The following KCNN2 variants were observed in gnomAD, a reference collection of about 807,000 sequenced individuals.
KCNN2 encodes small conductance calcium-activated potassium channel protein 2.
In KCNN2, 24 loss-of-function variants were observed where a neutral mutation model predicts 55.5. The ratio of observed to expected loss-of-function variants is 0.43; its 90% confidence interval spans 0.31 to 0.61. KCNN2 has a LOEUF of 0.61. KCNN2 is among the 20% of genes least tolerant of loss of function. The pLI is 0.08. For synonymous variants in KCNN2, 431 were observed against 336.1 expected (o/e 1.28, Z -3.09); for missense variants, 754 against 853.6 (o/e 0.88, Z 1.45).
intron 1 of KCNN2, among the ~76,000 whole-genome samples, chr5:114,212,749 A>G (rs77070760): frequency 6.6e-6 from 1 of 152,058 alleles, no homozygotes; most frequent in African/African-American, 2.4e-5. Flanking sequence ...TACCTTTAGT[A>G]GTAAGACTGA....
chr5:114,471,547 T>G (rs879469302), intron 4 of KCNN2, among the ~76,000 whole-genome samples: 1 of 152,188 alleles, frequency 6.6e-6, no homozygotes, highest in Non-Finnish European at 1.5e-5. Context: ...ATAGATATTA[T>G]GAGATGAAGT....
intron 5 of KCNN2, among the ~76,000 whole-genome samples, chr5:114,481,791 T>G (rs1762240906): frequency 6.6e-6 from 1 of 151,586 alleles, no homozygotes; most frequent in Non-Finnish European, 1.5e-5. Flanking sequence ...CAGAAAGGAG[T>G]CCCTATTTAA....
intron 2 of KCNN2, among the ~76,000 whole-genome samples, chr5:114,250,869 C>A (rs982638017): frequency 6.6e-6 from 1 of 152,118 alleles, no homozygotes; most frequent in Non-Finnish European, 1.5e-5. Context: ...CATTGCCCAC[C>A]CATAGTGATG....
chr5:114,185,222 G>A (rs140072374), intron 1 of KCNN2, among the ~76,000 whole-genome samples: 32 of 152,308 alleles, frequency 2.1e-4, no homozygotes, highest in African/African-American at 7.2e-4. Flanking sequence ...CCATTATCTA[G>A]ATGTATATGT....
At chr5:114,127,828 C>A (rs1284911307) in intron 1 of KCNN2, among the ~76,000 whole-genome samples, 1 of 152,174 alleles carries the variant, frequency 6.6e-6, no homozygotes, top group Non-Finnish European at 1.5e-5. Context: ...TAAATCATCT[C>A]TCTCAAATTC....
intron 2 of KCNN2, among the ~76,000 whole-genome samples, chr5:114,248,569 T>C (rs1264032137): frequency 6.6e-6 from 1 of 152,212 alleles, no homozygotes; most frequent in Non-Finnish European, 1.5e-5. Context: ...TTAGGCTTTA[T>C]TTCCTGGCAG....
At chr5:114,389,444 C>G (rs1758395065) in intron 2 of KCNN2, among the ~76,000 whole-genome samples, 1 of 152,060 alleles carries the variant, frequency 6.6e-6, no homozygotes, top group Non-Finnish European at 1.5e-5. Context: ...CTGGCAAGTT[C>G]CTTAACCTCT....
At chr5:114,208,164 A>C (rs752620753) in intron 1 of KCNN2, among the ~76,000 whole-genome samples, 6 of 152,208 alleles carry the variant, frequency 3.9e-5, no homozygotes, top group African/African-American at 1.4e-4. Flanking sequence ...TACATGACAG[A>C]AAGTCAAGCA....
chr5:114,347,032 T>G (rs181948), intron 2 of KCNN2, among the ~76,000 whole-genome samples: 2 of 152,064 alleles, frequency 1.3e-5, no homozygotes, highest in Non-Finnish European at 2.9e-5. Context: ...TACCTTTATA[T>G]GGTTACAATA....
intron 2 of KCNN2, among the ~76,000 whole-genome samples, chr5:114,263,720 G>A (rs541969834): frequency 6.6e-6 from 1 of 152,260 alleles, no homozygotes; most frequent in Admixed American, 6.5e-5. Context: ...TCCCTTTTCT[G>A]AAGAGTGATT....
At position 114,363,156 on chromosome 5, in the gene KCNN2, G is replaced by C. The variant is rs1218160989; in HGVS notation, c.1017G>C (p.Leu339=). Residue 339 remains leucine (L), a synonymous_variant, in exon 1 of 8, where the codon CTG becomes CTC. Coordinates refer to ENST00000673685, the MANE Select transcript of KCNN2 (RefSeq NM_021614.4). The part of the protein sequence containing the change: ...IGYKLGHRRA[L]FEKRKRLSDY... Reference sequence around the variant, plus strand: ...ACAAGCTGGGCCACCGGCGCGCCCTGTTCGAAAAGCGCAAGCGGCTCAGCG... The same window carrying C: ...ACAAGCTGGGCCACCGGCGCGCCCTCTTCGAAAAGCGCAAGCGGCTCAGCG... The C allele has an allele frequency of 5.0e-6, 8 of 1,613,566 alleles. No homozygotes were observed. The highest frequency in any genetic ancestry group is 1.6e-4 in the Middle Eastern group (1 of 6,062).
intron 2 of KCNN2, among the ~76,000 whole-genome samples, chr5:114,382,778 A>T (rs1758162255): frequency 6.6e-6 from 1 of 152,188 alleles, no homozygotes; most frequent in African/African-American, 2.4e-5. Flanking sequence ...TCACAACTCC[A>T]GTCATATGCC....
At chr5:114,184,177 T>G (rs952329959) in intron 1 of KCNN2, among the ~76,000 whole-genome samples, 33 of 152,276 alleles carry the variant, frequency 2.2e-4, no homozygotes, top group Admixed American at 2.2e-3. Flanking sequence ...ACTTTACTAA[T>G]TACAAAGGAC....
At chr5:114,291,030 A>G (rs977052094) in intron 2 of KCNN2, among the ~76,000 whole-genome samples, 17 of 152,040 alleles carry the variant, frequency 1.1e-4, no homozygotes, top group African/African-American at 4.1e-4. Flanking sequence ...TTTCATGTAC[A>G]CTTGTGTATG....
At chr5:114,372,643 T>C (rs1346470019) in intron 2 of KCNN2, among the ~76,000 whole-genome samples, 2 of 152,070 alleles carry the variant, frequency 1.3e-5, no homozygotes, top group African/African-American at 2.4e-5. Context: ...TTGTGAAACA[T>C]AGGAAAATAT....
At chr5:114,352,116 G>A (rs1024181202) in intron 2 of KCNN2, among the ~76,000 whole-genome samples, 1 of 151,502 alleles carries the variant, frequency 6.6e-6, no homozygotes. Context: ...CTTTGTACAG[G>A]CCCATTCAAA....
At chr5:114,418,727 A>G (rs904410958) in intron 3 of KCNN2, among the ~76,000 whole-genome samples, 2 of 152,304 alleles carry the variant, frequency 1.3e-5, no homozygotes, top group Admixed American at 6.5e-5. Flanking sequence ...TGCTAAGATC[A>G]CTGCCACTCA....
At chr5:114,239,414 A>G (rs1176948282) in intron 2 of KCNN2, among the ~76,000 whole-genome samples, 1 of 152,244 alleles carries the variant, frequency 6.6e-6, no homozygotes, top group East Asian at 1.9e-4. Flanking sequence ...GGAGCTAAAT[A>G]CTGGCATGAG....
At chr5:114,256,743 T>A (rs778742562) in intron 2 of KCNN2, among the ~76,000 whole-genome samples, 1 of 152,118 alleles carries the variant, frequency 6.6e-6, no homozygotes, top group Non-Finnish European at 1.5e-5. Flanking sequence ...TCTTGTTGAG[T>A]TGTTTCAGTT....
Sources: gnomAD v4.1 joint callset for allele counts (sites outside exome capture counted in the v4.1 genomes callset) on GRCh38, gnomAD v4.1.1 for gene constraint, MANE v1.5 for transcripts, NCBI Gene and HGNC (gene_info 2026-07-23, HGNC 2026-07-21) for gene names.